COL21A1: variants seen among roughly 807,000 people sequenced by gnomAD.
COL21A1 encodes the protein collagen alpha-1(XXI) chain.
Under a neutral mutation model 137.9 loss-of-function variants are expected in COL21A1, and 149 were observed. That is an observed-to-expected ratio of 1.08 (90% CI 0.95 to 1.24). COL21A1 has a LOEUF of 1.24. Ranked by LOEUF, COL21A1 falls within the 50% of genes most tolerant of loss-of-function variation. The probability of loss-of-function intolerance (pLI) is 0.00; values close to 1 mark genes in which losing one functional copy is unlikely to be tolerated. For synonymous variants in COL21A1, 456 were observed against 391.5 expected (o/e 1.16, Z -1.95); for missense variants, 1,167 against 1,158.4 (o/e 1.01, Z -0.11).
chr6:56,110,773 G>A (rs1236431217), intron 16 of COL21A1, among the ~76,000 whole-genome samples: 1 of 151,886 alleles, frequency 6.6e-6, no homozygotes. Flanking sequence ...CTTAACAGAA[G>A]ACTTACAAGA....
At chr6:56,176,166 A>C (rs561754010) in intron 3 of COL21A1, among the ~76,000 whole-genome samples, 1 of 152,274 alleles carries the variant, frequency 6.6e-6, no homozygotes, top group Non-Finnish European at 1.5e-5. Context: ...AAACTATAAA[A>C]TTTCTAAAAG....
chr6:56,322,638 T>A (rs1167243015), intron 1 of COL21A1, among the ~76,000 whole-genome samples: 1 of 152,100 alleles, frequency 6.6e-6, no homozygotes. Context: ...TATTCCCAGG[T>A]GTACTAAGTG....
intron 1 of COL21A1, among the ~76,000 whole-genome samples, chr6:56,329,930 TCTTA>T (rs938256787): frequency 6.6e-5 from 10 of 152,110 alleles, no homozygotes; most frequent in African/African-American, 1.9e-4. Flanking sequence ...TTTTGAAGAC[TCTTA>T]CTAAGTTTTC....
chr6:56,095,756 T>C (rs1582319086), intron 17 of COL21A1, among the ~76,000 whole-genome samples: 1 of 152,178 alleles, frequency 6.6e-6, no homozygotes, highest in African/African-American at 2.4e-5. Context: ...CATCCAGAAT[T>C]TGGCCAAGAG....
chr6:56,269,789 A>G (rs544584885), intron 1 of COL21A1, among the ~76,000 whole-genome samples: 1 of 152,334 alleles, frequency 6.6e-6, no homozygotes, highest in South Asian at 2.1e-4. Context: ...GCATCCTTAA[A>G]GAAAAGAAAT....
At chr6:56,334,209 C>T (rs1765291492) in intron 1 of COL21A1, among the ~76,000 whole-genome samples, 1 of 151,938 alleles carries the variant, frequency 6.6e-6, no homozygotes, top group Non-Finnish European at 1.5e-5. Context: ...GTCCATCTGC[C>T]CTCCAGAAAC....
At chr6:56,357,726 G>A (rs536222351) in intron 1 of COL21A1, among the ~76,000 whole-genome samples, 6 of 152,320 alleles carry the variant, frequency 3.9e-5, no homozygotes, top group Non-Finnish European at 8.8e-5. Flanking sequence ...AGAACCATTT[G>A]AGAAAGGAGT....
intron 1 of COL21A1, among the ~76,000 whole-genome samples, chr6:56,333,523 A>G (rs1765276810): frequency 6.6e-6 from 1 of 152,100 alleles, no homozygotes; most frequent in South Asian, 2.1e-4. Context: ...CAATCATTTT[A>G]TTCATTCACT....
chr6:56,334,027 A>ATATGATAGTATGGAGTTTCAGT (rs1400805517), intron 1 of COL21A1, among the ~76,000 whole-genome samples: 1 of 28,370 alleles, frequency 3.5e-5, no homozygotes, highest in Non-Finnish European at 6.9e-5. Context: ...TATGCTTTGC[A>ATATGATAGTATGGAGTTTCAGT]TATGACAGTA....
At chr6:56,331,323 T>C (rs1038777076) in intron 1 of COL21A1, among the ~76,000 whole-genome samples, 4 of 151,994 alleles carry the variant, frequency 2.6e-5, no homozygotes, top group Admixed American at 1.3e-4. Context: ...GTTGCATTTC[T>C]TTTTTAGGTC....
At chr6:56,380,599 G>A (rs755399343) in intron 1 of COL21A1, among the ~76,000 whole-genome samples, 3 of 152,162 alleles carry the variant, frequency 2.0e-5, no homozygotes, top group Admixed American at 6.6e-5. Context: ...TGTTAGCTGA[G>A]GTCAAACAAG....
chr6:56,076,601 A>T (rs528740078), intron 18 of COL21A1, among the ~76,000 whole-genome samples: 27 of 150,646 alleles, frequency 1.8e-4, no homozygotes, highest in East Asian at 5.8e-4. Flanking sequence ...TATCATTTTT[A>T]AAAAAAATCA....
chr6:56,245,642 G>A (rs1782599300), intron 1 of COL21A1, among the ~76,000 whole-genome samples: 1 of 152,172 alleles, frequency 6.6e-6, no homozygotes, highest in African/African-American at 2.4e-5. Context: ...AAGTGTACTA[G>A]TACGCCCCAC....
intron 1 of COL21A1, among the ~76,000 whole-genome samples, chr6:56,295,045 G>A (rs1295877446): frequency 6.6e-6 from 1 of 152,004 alleles, no homozygotes; most frequent in Non-Finnish European, 1.5e-5. Context: ...TTATCTTCCA[G>A]CTGTTCTACA....
chr6:56,079,122 T>G (rs1394369080), intron 17 of COL21A1, among the ~76,000 whole-genome samples: 2 of 151,690 alleles, frequency 1.3e-5, no homozygotes, highest in Non-Finnish European at 3.0e-5. Flanking sequence ...TGTGACCTCC[T>G]CCCATTCAAA....
At chr6:56,303,898 T>G (rs145020120) in intron 1 of COL21A1, among the ~76,000 whole-genome samples, 322 of 152,310 alleles carry the variant, frequency 2.1e-3, no homozygotes, top group African/African-American at 7.4e-3. Context: ...GATTTTGAGA[T>G]ATGTCCCATC....
intron 4 of COL21A1, 41 bp downstream of exon 4, chr6:56,170,919 C>T: frequency 6.3e-7 from 1 of 1,591,238 alleles, no homozygotes; most frequent in Non-Finnish European, 8.6e-7. Context: ...TGTCCACAGA[C>T]ATATCCCCCC....
At chr6:56,199,263 A>C (rs908441622) in intron 1 of COL21A1, among the ~76,000 whole-genome samples, 3 of 152,040 alleles carry the variant, frequency 2.0e-5, no homozygotes, top group Non-Finnish European at 4.4e-5. Flanking sequence ...ATATTGATAT[A>C]GATGCTACCT....
At chr6:56,335,909 T>A (rs569704399) in intron 1 of COL21A1, among the ~76,000 whole-genome samples, 1 of 152,208 alleles carries the variant, frequency 6.6e-6, no homozygotes, top group African/African-American at 2.4e-5. Context: ...TGCATTATTT[T>A]AACTGTGAGA....
Sources: allele counts gnomAD v4.1 joint callset (sites outside exome capture counted in the v4.1 genomes callset), GRCh38; gene constraint gnomAD v4.1.1; transcripts MANE v1.5; gene names NCBI Gene and HGNC (gene_info 2026-07-23, HGNC 2026-07-21).